Variants in ATP7A observed in about 807,000 individuals in gnomAD.
ATP7A encodes the protein ATPase copper transporting alpha, also known as copper-transporting ATPase 1.
ATP7A carries 7 observed loss-of-function variants against 83.5 expected under a neutral mutation model. The ratio of observed to expected loss-of-function variants is 0.08; its 90% CI spans 0.05 to 0.16. The LOEUF (loss-of-function observed/expected upper bound fraction) is 0.16. Ranked by LOEUF, ATP7A falls within the 10% of genes least tolerant of loss-of-function variation. The probability of loss-of-function intolerance (pLI) is 1.00; values close to 1 mark genes in which losing one functional copy is unlikely to be tolerated. For missense variants in ATP7A, 940 were observed against 1,120.8 expected (o/e 0.84, Z 2.30); for synonymous variants, 354 against 395.2 (o/e 0.90, Z 1.24).
In ATP7A at chrX:78,040,334, G is replaced by C. The variant is rs138431566; in HGVS notation, c.3659-257G>C. 0.014 allele frequency among the ~76,000 whole-genome samples: 1,538 copies of C among 110,078 alleles called. 25 individuals are homozygous for C. Among genetic ancestry groups the C allele is most frequent in the African/African-American group, 0.048 (1,467 of 30,258 alleles). ...AAAAGGGTCTTCTAATATCCAGTAA[G>C]GTCTCTCTTTTTATTTTCCTGTGAT... On this transcript the variant is annotated intron_variant, in intron 18 of 22. Coordinates refer to ENST00000341514, the MANE Select transcript of ATP7A (RefSeq NM_000052.7).
chrX:77,971,874 T>G, intron 2 of ATP7A, 113 bp downstream of exon 2: 1 of 872,558 alleles, frequency 1.1e-6, no homozygotes, highest in Non-Finnish European at 1.7e-6. Context: ...CAATAAAAAC[T>G]ATTGTACTTC....
chrX:77,997,324 C>A (rs1368524568), intron 4 of ATP7A, among the ~76,000 whole-genome samples: 1 of 112,254 alleles, frequency 8.9e-6, no homozygotes, highest in Non-Finnish European at 1.9e-5. Context: ...ACAAGCTCCC[C>A]CAGGTGATTG....
rs2077850907 is a variant in ATP7A at position 78,014,862 on chromosome X, C to T, written c.2498+109C>T. On this transcript the variant is annotated intron_variant, in intron 11 of 22. Transcript: ENST00000341514. ...ATCATGAATTCACATAATCTGTCTC[C>T]CAGATATAAAAATTATCCACATTTT... 1.7e-5 allele frequency: 10 copies of T among 573,495 alleles called. No homozygotes were observed. In the South Asian group the frequency reaches 2.5e-4, roughly 14 times the overall value. 47.3% of individuals were successfully genotyped at this position (573,495 alleles called of 1,213,427 possible).
Position 78,043,328 on chromosome X carries a change from G to C in ATP7A, c.4017G>C (p.Leu1339=). The change falls in exon 21 of 23, where the codon CTG becomes CTC. Residue 1339 remains leucine (L), a synonymous_variant. Coordinates refer to ENST00000341514, the MANE Select transcript of ATP7A (RefSeq NM_000052.7). ...ADVVLIRNDL[L]DVVASIDLSR... ...ATTTCTGTTCTTAGAATGATCTTCT[G>C]GATGTAGTGGCAAGTATTGACTTAT... 1 of 1,191,174 alleles carries C rather than the reference G, an allele frequency of 8.4e-7. No homozygotes were observed. Among genetic ancestry groups the C allele is most frequent in the Non-Finnish European group, 1.1e-6 (1 of 877,005 alleles).
chrX:78,037,989 T>G (rs1324599181), intron 17 of ATP7A, among the ~76,000 whole-genome samples: 1 of 90,749 alleles, frequency 1.1e-5, no homozygotes, highest in Non-Finnish European at 2.2e-5. Flanking sequence ...GGTTTTTTTT[T>G]TTTTTTTTTT....
chrX:78,010,428 A>G (rs1350451110), intron 7 of ATP7A, among the ~76,000 whole-genome samples: 1 of 111,820 alleles, frequency 8.9e-6, no homozygotes, highest in Non-Finnish European at 1.9e-5. Context: ...CTATGGTCAG[A>G]TAAGTCTTGC....
chrX:77,942,558 GTC>G lies in ATP7A; in HGVS notation c.-21-29060_-21-29059del, dbSNP rs2077357338. 4.6e-5 allele frequency among the ~76,000 whole-genome samples: 5 copies of G among 108,708 alleles called. No individual in the cohort carries two copies. The Admixed American group carries it at 4.9e-4, about 11-fold the overall frequency. 94.4% of individuals were successfully genotyped at this position (108,708 alleles called of 115,157 possible). A position where few individuals can be genotyped will look rare whatever the true frequency, so the allele number is the denominator to read the frequency against. ...TGACCGGGTCCCAAGTGATCCTCCT[GTC>G]TCAGCCTCCTGTGTAGCTGGGACCA... On this transcript the variant is annotated intron_variant, in intron 1 of 22. Transcript: ENST00000341514.
At chrX:77,929,145 G>C (rs1269193614) in intron 1 of ATP7A, among the ~76,000 whole-genome samples, 1 of 111,934 alleles carries the variant, frequency 8.9e-6, no homozygotes, top group Admixed American at 9.5e-5. Flanking sequence ...GGGGAGAAGA[G>C]GGTACTGTTT....
intron 7 of ATP7A, among the ~76,000 whole-genome samples, chrX:78,010,317 G>A (rs1234031793): frequency 8.9e-6 from 1 of 111,806 alleles, no homozygotes. Context: ...TAATTACTCT[G>A]ACTCCAAAAG....
In ATP7A at chrX:78,022,649, C is replaced by T. The variant is rs781943937; in HGVS notation, c.2916+1570C>T. On this transcript the variant is annotated intron_variant, in intron 14 of 22. Coordinates refer to ENST00000341514, the MANE Select transcript of ATP7A (RefSeq NM_000052.7). ...TCTCATGCCTCAGCCTCCTGAGTAG[C>T]GGGGATTACAGGCTTATGTCACCAT... Among the ~76,000 whole-genome samples, 30 of 109,637 alleles carry T rather than the reference C, an allele frequency of 2.7e-4. No individual in the cohort carries two copies. In the East Asian group the frequency reaches 8.6e-3, roughly 32 times the overall value.
At chrX:78,042,470 C>A in intron 19 of ATP7A, 115 bp from the exon 20 acceptor site, 1 of 740,318 alleles carries the variant, frequency 1.4e-6, no homozygotes, top group Non-Finnish European at 2.1e-6. Flanking sequence ...TAGATATTAT[C>A]AGTCTTTTAA....
At position 77,920,340 on chromosome X, in the gene ATP7A, C is replaced by T. The variant is rs781850370; in HGVS notation, c.-22+9505C>T. 1.8e-4 allele frequency among the ~76,000 whole-genome samples: 20 copies of T among 109,314 alleles called. No homozygotes were observed. In the South Asian group the frequency reaches 4.0e-3, roughly 22 times the overall value. The allele number at this position is 109,314 out of a possible 115,157, so 94.9% of individuals were successfully genotyped here. A position where few individuals can be genotyped will look rare whatever the true frequency, so the allele number is the denominator to read the frequency against. On this transcript the variant is annotated intron_variant, in intron 1 of 22. Coordinates refer to ENST00000341514, the MANE Select transcript of ATP7A (RefSeq NM_000052.7). ...ATGCCATTCTCCTGTCTCAGCCTCC[C>T]GAGTAGCTGGGACTACAGGTGCCCG... is the stretch of plus-strand genomic sequence containing the variant.
chrX:78,021,126 A>G, intron 14 of ATP7A, 47 bp downstream of exon 14: 1 of 1,135,116 alleles, frequency 8.8e-7, no homozygotes, highest in Non-Finnish European at 1.2e-6. Flanking sequence ...ACAATTTGTG[A>G]GTCTTTTGCA....
chrX:78,020,794 T>C (rs1163996648), intron 13 of ATP7A, 151 bp from the exon 14 acceptor site: 32 of 611,195 alleles, frequency 5.2e-5, no homozygotes, highest in Non-Finnish European at 8.3e-5. Flanking sequence ...GTGTTGGGAT[T>C]ACAGGTGTGA....
chrX:77,938,183 A>T (rs2077331143), intron 1 of ATP7A, among the ~76,000 whole-genome samples: 1 of 112,354 alleles, frequency 8.9e-6, no homozygotes, highest in African/African-American at 3.2e-5. Flanking sequence ...TATTTATCGT[A>T]AGCGTCTTAC....
Position 77,916,682 on chromosome X carries a change from C to A in ATP7A, c.-22+5847C>A, listed in dbSNP as rs149241715. ...GGGAAAAGGCCTTATGTATGTCTAA[C>A]CTACTCTGCAAATAGCTGCATTCTT... On this transcript the variant is annotated intron_variant, in intron 1 of 22. Transcript: ENST00000341514. Among the ~76,000 whole-genome samples, 6 of 111,556 alleles carry A rather than the reference C, an allele frequency of 5.4e-5. No homozygotes were observed. In the East Asian group the frequency reaches 1.4e-3, roughly 26 times the overall value.
At chrX:77,944,606 T>A (rs192114610) in intron 1 of ATP7A, among the ~76,000 whole-genome samples, 82 of 109,321 alleles carry the variant, frequency 7.5e-4, no homozygotes, top group East Asian at 3.2e-3. Context: ...TAATTTTTTT[T>A]AAAAAGTTTA....
chrX:77,990,062 C>A, intron 4 of ATP7A, 104 bp downstream of exon 4: 1 of 1,065,053 alleles, frequency 9.4e-7, no homozygotes, highest in South Asian at 2.0e-5. Flanking sequence ...CACTGTAATT[C>A]CACTTTTGCA....
intron 2 of ATP7A, among the ~76,000 whole-genome samples, chrX:77,972,841 A>T (rs1250504244): frequency 9.2e-6 from 1 of 108,273 alleles, no homozygotes. Flanking sequence ...CCTAAGGAAG[A>T]CTCTATTATT....
Sources: allele counts gnomAD v4.1 joint callset (sites outside exome capture counted in the v4.1 genomes callset), GRCh38; gene constraint gnomAD v4.1.1; transcripts MANE v1.5; gene names NCBI Gene and HGNC (gene_info 2026-07-23, HGNC 2026-07-21).